Variants in CEMIP observed in about 807,000 individuals in gnomAD.
CEMIP encodes cell migration inducing hyaluronidase 1.
A neutral mutation model predicts 156.9 loss-of-function variants in CEMIP; 105 were observed. That is an observed-to-expected ratio of 0.67 (90% CI 0.57 to 0.79). The LOEUF is 0.79. CEMIP is among the 30% of genes least tolerant of loss of function. The pLI is 0.00. For synonymous variants in CEMIP, 676 were observed against 668.4 expected (o/e 1.01, Z -0.17); for missense variants, 1,457 against 1,769.4 (o/e 0.82, Z 3.17).
At chr15:80,900,660 GTCTGTGTGTGTGTGTGTATTT>G (rs1899482757) in intron 12 of CEMIP, among the ~76,000 whole-genome samples, 12 of 141,392 alleles carry the variant, frequency 8.5e-5, no homozygotes, top group African/African-American at 3.2e-4. Context: ...CTGTGTGTGT[GTCTGTGTGTGTGTGTGTATTT>G]TGTGTGTGTA....
chr15:80,926,528 C>T (rs181885014), intron 19 of CEMIP, among the ~76,000 whole-genome samples: 6 of 151,806 alleles, frequency 4.0e-5, no homozygotes, highest in South Asian at 4.2e-4. Flanking sequence ...AATTGAAATG[C>T]GAGGAGAAAA....
rs1555436824 is a variant in CEMIP at position 80,926,819 on chromosome 15, T to TCGG, written c.2420+1064_2420+1065insCGG. 1.0e-3 allele frequency among the ~76,000 whole-genome samples: 24 copies of TCGG among 23,302 alleles called. 1 individual carries two copies. Among genetic ancestry groups the TCGG allele is most frequent in the East Asian group, 8.1e-3 (9 of 1,108 alleles). The allele number at this position is 23,302 out of a possible 152,430, so 15.3% of individuals were successfully genotyped here. On this transcript the variant is annotated intron_variant, in intron 19 of 29. Transcript: ENST00000394685. ...AACAGAGGCAGAGAGACTGAGCGGGTGGGGGGGGGGGGTCTTCTTTTTTTT... is the reference window on the plus strand; with the variant it reads ...AACAGAGGCAGAGAGACTGAGCGGGTCGGGGGGGGGGGGGGTCTTCTTTTTTTT...
At chr15:80,814,258 C>G (rs1386593643) in intron 1 of CEMIP, among the ~76,000 whole-genome samples, 1 of 151,872 alleles carries the variant, frequency 6.6e-6, no homozygotes, top group Non-Finnish European at 1.5e-5. Flanking sequence ...ACCACGTTAG[C>G]CAGGATGGTC....
At chr15:80,812,076 G>C (rs753029637) in intron 1 of CEMIP, among the ~76,000 whole-genome samples, 13 of 152,104 alleles carry the variant, frequency 8.5e-5, no homozygotes, top group Non-Finnish European at 1.5e-4. Flanking sequence ...ACAGGCACCA[G>C]CATCGTAGCA....
chr15:80,792,577 G>A (rs1295582329), intron 1 of CEMIP, among the ~76,000 whole-genome samples: 1 of 152,188 alleles, frequency 6.6e-6, no homozygotes, highest in Non-Finnish European at 1.5e-5. Flanking sequence ...TTAGAGTTAT[G>A]ATCTTGTACA....
chr15:80,812,786 T>A (rs938503330), intron 1 of CEMIP, among the ~76,000 whole-genome samples: 11 of 152,212 alleles, frequency 7.2e-5, no homozygotes, highest in Non-Finnish European at 7.3e-5. Flanking sequence ...TAGGTCTAAT[T>A]TGTTAGGCTG....
In CEMIP at chr15:80,936,851, G is replaced by A. The variant is rs148893322; in HGVS notation, c.3187G>A (p.Ala1063Thr). 1,045 of 1,614,170 alleles carry A rather than the reference G, an allele frequency of 6.5e-4. 21 individuals carry two copies. In the East Asian group the frequency reaches 8.0e-3, roughly 12 times the overall value. Residue 1063 changes from alanine (A) to threonine (T), a missense_variant, in exon 24 of 30, where the codon GCC becomes ACC. Physicochemically the swap from Ala to Thr is moderately conservative, Grantham distance 58. This residue lies in a region of CEMIP where 798 missense variants were observed against 980.1 expected (regional missense o/e 0.81). Transcript: ENST00000394685. ...CATCCACTGGGACCAGACGGCCCCCGCCGAACTCGCCATCTGGCTCATCAA... is the reference window on the plus strand; with the variant it reads ...CATCCACTGGGACCAGACGGCCCCCACCGAACTCGCCATCTGGCTCATCAA... ...YTIHWDQTAP[A>T]ELAIWLINFN...
rs1477629733 is a variant in CEMIP at position 80,802,875 on chromosome 15, G to T, written c.-176+23261G>T. On this transcript the variant is annotated intron_variant, in intron 1 of 29. Coordinates refer to ENST00000394685, the MANE Select transcript of CEMIP (RefSeq NM_001293298.2). ...TGATGGGAGGAATACCCTTGGTTTT[G>T]TAAAGGAATGGTGAGGACGAACTGG... Among the ~76,000 whole-genome samples the T allele has an allele frequency of 2.0e-5, 3 of 152,230 alleles. No individual in the cohort carries two copies. In the East Asian group the frequency reaches 5.8e-4, roughly 29 times the overall value.
At chr15:80,792,626 A>T (rs1456525015) in intron 1 of CEMIP, among the ~76,000 whole-genome samples, 1 of 152,204 alleles carries the variant, frequency 6.6e-6, no homozygotes, top group Non-Finnish European at 1.5e-5. Context: ...TCCAATTGTC[A>T]ATGTAGCTGA....
intron 1 of CEMIP, among the ~76,000 whole-genome samples, chr15:80,857,357 G>T (rs1441168984): frequency 6.6e-6 from 1 of 152,216 alleles, no homozygotes; most frequent in Non-Finnish European, 1.5e-5. Context: ...TGGGCTGCAC[G>T]CCTGTCTCAG....
At chr15:80,815,270 G>C (rs1896764344) in intron 1 of CEMIP, among the ~76,000 whole-genome samples, 1 of 152,240 alleles carries the variant, frequency 6.6e-6, no homozygotes, top group African/African-American at 2.4e-5. Context: ...TCTGTAAAAT[G>C]GGTATCCTGT....
At chr15:80,874,466 T>C (rs1019990286) in intron 3 of CEMIP, among the ~76,000 whole-genome samples, 1 of 125,590 alleles carries the variant, frequency 8.0e-6, no homozygotes, top group Non-Finnish European at 1.7e-5. Flanking sequence ...TCTAATAGGC[T>C]GTTAAAAAAA....
chr15:80,836,541 C>T (rs1596122465), intron 1 of CEMIP, among the ~76,000 whole-genome samples: 1 of 152,360 alleles, frequency 6.6e-6, no homozygotes, highest in East Asian at 1.9e-4. Context: ...GAAAACCTTC[C>T]TCAAACGTTT....
intron 13 of CEMIP, among the ~76,000 whole-genome samples, chr15:80,907,349 G>A (rs1252596275): frequency 6.6e-6 from 1 of 152,238 alleles, no homozygotes; most frequent in Admixed American, 6.5e-5. Flanking sequence ...GATCACCTGA[G>A]GTCAGGAATT....
At chr15:80,922,191 G>T (rs2141925286) in intron 17 of CEMIP, 54 bp downstream of exon 17, 1 of 1,609,180 alleles carries the variant, frequency 6.2e-7, no homozygotes, top group East Asian at 2.2e-5. Flanking sequence ...CCCTTCCCAG[G>T]CCTGCAGATG....
chr15:80,859,213 G>T (rs1035158761), intron 1 of CEMIP, among the ~76,000 whole-genome samples: 2 of 152,220 alleles, frequency 1.3e-5, no homozygotes, highest in Non-Finnish European at 2.9e-5. Flanking sequence ...CCCCCATTGA[G>T]CTACATGGAC....
At chr15:80,881,523 AAGAC>A (rs933785588) in intron 6 of CEMIP, among the ~76,000 whole-genome samples, 5 of 151,680 alleles carry the variant, frequency 3.3e-5, no homozygotes, top group African/African-American at 4.8e-5. Flanking sequence ...AAGAGTGTTC[AAGAC>A]AGACAGCAAG....
chr15:80,882,087 G>T (rs889888194), intron 6 of CEMIP, among the ~76,000 whole-genome samples: 3 of 152,188 alleles, frequency 2.0e-5, no homozygotes, highest in Non-Finnish European at 4.4e-5. Flanking sequence ...CATTCCTCAA[G>T]AACAGGGCCC....
At chr15:80,842,139 G>A (rs369128741) in intron 1 of CEMIP, 15 of 507,250 alleles carry the variant, frequency 3.0e-5, no homozygotes, top group Non-Finnish European at 5.5e-5. Flanking sequence ...ATAGAAACAC[G>A]TTGGGTACCA....
Sources: gnomAD v4.1 joint callset for allele counts (sites outside exome capture counted in the v4.1 genomes callset) on GRCh38, gnomAD v4.1.1 for gene constraint, gnomAD v4.1.1 regional missense constraint, MANE v1.5 for transcripts, NCBI Gene and HGNC (gene_info 2026-07-23, HGNC 2026-07-21) for gene names.